The following NYNRIN variants were observed in gnomAD, a reference collection of about 807,000 sequenced individuals.
NYNRIN encodes protein NYNRIN.
A neutral mutation model predicts 146.6 loss-of-function variants in NYNRIN; 86 were observed. That is an observed-to-expected ratio of 0.59 (90% CI 0.49 to 0.70). NYNRIN has a LOEUF of 0.70. NYNRIN is among the 30% of genes least tolerant of loss of function. The pLI, the probability that NYNRIN is intolerant of heterozygous loss-of-function variation, is 0.00. For missense variants in NYNRIN, 2,191 were observed against 2,377.7 expected, an observed-to-expected ratio of 0.92 and a Z score of 1.63; for synonymous variants, 1,027 against 1,001.3, an observed-to-expected ratio of 1.03 and a Z score of -0.48.
Position 24,411,335 on chromosome 14 carries a change from T to C in NYNRIN, c.2546-19T>C. The C allele has an allele frequency of 6.2e-7, 1 of 1,613,792 alleles. No homozygotes were observed. Among genetic ancestry groups the C allele is most frequent in the Non-Finnish European group, 8.5e-7 (1 of 1,179,742 alleles). On this transcript the variant is annotated intron_variant, in intron 5 of 8. Coordinates refer to ENST00000382554, the MANE Select transcript of NYNRIN (RefSeq NM_025081.3). The surrounding 1 kb of genome is among the most constrained non-coding windows in gnomAD (Gnocchi z 4.3). Reference sequence around the variant, plus strand: ...TAGCCCTCCCTTGACCATTTCTGTCTTCTGCCTTTCACCCCCAGAGAGCCA... The same window carrying C: ...TAGCCCTCCCTTGACCATTTCTGTCCTCTGCCTTTCACCCCCAGAGAGCCA...
At position 24,414,955 on chromosome 14, in the gene NYNRIN, G is replaced by A; in HGVS notation, c.3206G>A (p.Trp1069Ter). Residue 1069 changes from tryptophan (W) to a stop codon, truncating the protein, a stop_gained, in exon 9 of 9, where the codon TGG becomes TAG. Transcript: ENST00000382554. LOFTEE classifies it high-confidence loss of function. ...GCTTCTCCCTACCTGGGCATCCCCT[G>A]GGATGGAAAGGCTCCCTGCCAGCAG... ...GAASPYLGIP[W>*]DGKAPCQQVL... 1 of 1,595,444 alleles carries A rather than the reference G, an allele frequency of 6.3e-7. No individual in the cohort carries two copies. Among genetic ancestry groups the A allele is most frequent in the Non-Finnish European group, 8.6e-7 (1 of 1,166,632 alleles).
rs867723587 is a variant in NYNRIN at position 24,408,097 on chromosome 14, T to C, written c.427T>C (p.Trp143Arg). ...WLEELVGRLR[W>R]GPAPLLTPRG... is the part of the protein sequence containing the mutation. ...GGAGGAGCTGGTGGGGCGACTGCGC[T>C]GGGGCCCTGCCCCTCTGCTGACCCC... is the stretch of plus-strand genomic sequence containing the variant. The change falls in exon 3 of 9, where the codon TGG (tryptophan) becomes CGG (arginine). Residue 143 changes from tryptophan to arginine, a missense_variant. Physicochemically the swap from Trp to Arg is moderately radical, Grantham distance 101. Transcript: ENST00000382554. 5 of 1,612,756 alleles carry C rather than the reference T, an allele frequency of 3.1e-6. No individual in the cohort carries two copies. The African/African-American group carries it at 6.7e-5, about 22-fold the overall frequency.
Position 24,419,152 on chromosome 14 carries a change from A to G in NYNRIN, c.*1706A>G, listed in dbSNP as rs566336731. The G allele has an allele frequency of 1.3e-5, 2 of 152,148 alleles. No individual in the cohort carries two copies. The highest frequency in any genetic ancestry group is 4.8e-5 in the African/African-American group (2 of 41,454). The allele number at this position is 152,148 out of a possible 1,614,324, so 9.4% of individuals were successfully genotyped here. The stretch of plus-strand genomic sequence containing the variant: ...ATTCTTTCTCTTCCTCCTCTCTGTA[A>G]TGGTATGTCCAGCCTCACTCTCCCT... On this transcript the variant is annotated 3_prime_UTR_variant, in exon 9 of 9. Transcript: ENST00000382554.
Position 24,399,352 on chromosome 14 carries a change from A to C in NYNRIN, c.106A>C (p.Arg36=). The change falls in exon 2 of 9, where the codon AGG becomes CGG. Residue 36 remains arginine, a synonymous_variant. Transcript: ENST00000382554. ...RQRLQVQRIF[R]VKLNAFQSRP... is the part of the protein sequence containing the mutation. ...GCGGCTGCAAGTGCAGCGCATCTTT[A>C]GGGTCAAGCTGAACGCCTTCCAGAG... 1 of 1,613,834 alleles carries C rather than the reference A, an allele frequency of 6.2e-7. No homozygotes were observed. The highest frequency in any genetic ancestry group is 8.5e-7 in the Non-Finnish European group (1 of 1,179,848).
Position 24,417,352 on chromosome 14 carries a change from C to T in NYNRIN, c.5603C>T (p.Thr1868Ile). The change falls in exon 9 of 9, where the codon ACC becomes ATC. Residue 1868 changes from threonine to isoleucine, a missense_variant. By Grantham distance (89) the Thr-to-Ile change is moderately conservative. Coordinates refer to ENST00000382554, the MANE Select transcript of NYNRIN (RefSeq NM_025081.3). ...LSLYRIWGFP[T>I]PEKLGCIYPS... Reference sequence around the variant, plus strand: ...CTCTATAGGATATGGGGCTTCCCAACCCCAGAGAAGCTGGGGTGCATCTAT... The same window carrying T: ...CTCTATAGGATATGGGGCTTCCCAATCCCAGAGAAGCTGGGGTGCATCTAT... 6.2e-7 allele frequency: 1 copy of T among 1,600,730 alleles called. No homozygotes were observed. The highest frequency in any genetic ancestry group is 8.5e-7 in the Non-Finnish European group (1 of 1,172,414).
In NYNRIN at chr14:24,413,411, C is replaced by T; in HGVS notation, c.2840C>T (p.Pro947Leu). ...ACCTTGGATGAGTTTCTGAAGAAGC[C>T]AAACAGGTAATAGGTCAGACCTCCC... ...GPTLDEFLKKPNRLDTDIGNF... is the reference protein window; with the variant it reads ...GPTLDEFLKKLNRLDTDIGNF... Residue 947 changes from proline to leucine, a missense_variant, in exon 8 of 9, where the codon CCA becomes CTA. Pro to Leu is a moderately conservative substitution (Grantham distance 98). Coordinates refer to ENST00000382554, the MANE Select transcript of NYNRIN (RefSeq NM_025081.3). 1 of 1,609,982 alleles carries T rather than the reference C, an allele frequency of 6.2e-7. No homozygotes were observed. The highest frequency in any genetic ancestry group is 8.5e-7 in the Non-Finnish European group (1 of 1,177,886).
Position 24,415,404 on chromosome 14 carries a change from T to C in NYNRIN, c.3655T>C (p.Phe1219Leu). 6.2e-7 allele frequency: 1 copy of C among 1,613,916 alleles called. No individual in the cohort carries two copies. The highest frequency in any genetic ancestry group is 8.5e-7 in the Non-Finnish European group (1 of 1,179,864). ...TGCTGTGGCCTGGGCCCTCAAGCAT[T>C]TTTCCCGCTGCATTGGAGACACCCC... ...PYAVAWALKH[F>L]SRCIGDTPVV... Residue 1219 changes from phenylalanine to leucine, a missense_variant, in exon 9 of 9, where the codon TTT (phenylalanine) becomes CTT (leucine). Around this residue, in one of 3 missense-constraint regions of NYNRIN, gnomAD observed 1,291 missense variants for 1,417.0 expected, o/e 0.91. Transcript: ENST00000382554.
At position 24,418,337 on chromosome 14, in the gene NYNRIN, C is replaced by T. The variant is rs186951393; in HGVS notation, c.*891C>T. The T allele has an allele frequency of 1.1e-4, 50 of 453,956 alleles. No homozygotes were observed. The highest frequency in any genetic ancestry group is 8.0e-4 in the African/African-American group (40 of 50,094). 28.1% of individuals were successfully genotyped at this position (453,956 alleles called of 1,614,324 possible). On this transcript the variant is annotated 3_prime_UTR_variant, in exon 9 of 9. Transcript: ENST00000382554. ...GGGCGTCTGCAACAGGAGTGGCACA[C>T]GGTGAAGTGCTGGCATGGCTCTACC...
Position 24,416,283 on chromosome 14 carries a change from AACTC to A in NYNRIN, c.4540_4543del (p.Leu1514AlafsTer21). The A allele has an allele frequency of 1.9e-6, 3 of 1,613,904 alleles. No homozygotes were observed. Among genetic ancestry groups the A allele is most frequent in the Non-Finnish European group, 2.5e-6 (3 of 1,179,868 alleles). ...CTCCTCACCGTTTAGTTCTGCCTTT[AACTC>A]ACTCAGCCTCGACAAGGAGAGTGGC... On this transcript the variant is annotated frameshift_variant, in exon 9 of 9. Transcript: ENST00000382554. LOFTEE classifies it high-confidence loss of function.
chr14:24,408,169 G>A lies in NYNRIN; in HGVS notation c.499G>A (p.Val167Ile), dbSNP rs749733217. Residue 167 changes from valine to isoleucine, a missense_variant, in exon 3 of 9, where the codon GTC becomes ATC. Around this residue, in one of 3 missense-constraint regions of NYNRIN, gnomAD observed 895 missense variants for 941.2 expected, o/e 0.95. Transcript: ENST00000382554. ...AEVTRAFGAL[V>I]WIRGDQHAGD... Reference sequence around the variant, plus strand: ...GGTGACCCGGGCCTTTGGGGCCCTGGTCTGGATCCGTGGTGACCAGCATGC... The same window carrying A: ...GGTGACCCGGGCCTTTGGGGCCCTGATCTGGATCCGTGGTGACCAGCATGC... The A allele has an allele frequency of 6.2e-6, 10 of 1,601,220 alleles. No individual in the cohort carries two copies. The South Asian group carries it at 9.9e-5, about 16-fold the overall frequency.
intron 2 of NYNRIN, among the ~76,000 whole-genome samples, chr14:24,405,315 A>G (rs2042870140): frequency 6.6e-6 from 1 of 152,230 alleles, no homozygotes; most frequent in Admixed American, 6.5e-5. Flanking sequence ...GCACCTTGAC[A>G]AGTACAGAAT....
rs2042925414 is a variant in NYNRIN, at chr14:24,413,418, G to GTAA, written c.2846+4_2846+6dup. 8 of 1,604,916 alleles carry GTAA rather than the reference G, an allele frequency of 5.0e-6. 1 individual carries two copies. The South Asian group carries it at 8.9e-5, about 18-fold the overall frequency. ...ATGAGTTTCTGAAGAAGCCAAACAG[G>GTAA]TAATAGGTCAGACCTCCCCAGCCTC... On this transcript the variant is annotated splice_donor_variant, in intron 8 of 8. Transcript: ENST00000382554. LOFTEE classifies it high-confidence loss of function.
Position 24,411,257 on chromosome 14 carries a change from C to G in NYNRIN, c.2545+51C>G, listed in dbSNP as rs1421263375. On this transcript the variant is annotated intron_variant, in intron 5 of 8. Transcript: ENST00000382554. This position sits in a 1 kb window ranked among gnomAD's most constrained non-coding sequence, Gnocchi z 4.3. ...CTCCACAGTGTCACCAAGCTTTCTT[C>G]TCTCTGCCTTGCTGCCCCGACCCTC... is the stretch of plus-strand genomic sequence containing the variant. 6.2e-7 allele frequency: 1 copy of G among 1,611,736 alleles called. No individual in the cohort carries two copies. The highest frequency in any genetic ancestry group is 1.3e-5 in the African/African-American group (1 of 74,746).
chr14:24,399,310 C>A lies in NYNRIN; in HGVS notation c.64C>A (p.Pro22Thr). The part of the protein sequence containing the change: ...EWFMVQTKSK[P>T]RVQRQRLQVQ... Reference sequence around the variant, plus strand: ...GTTCATGGTGCAGACAAAATCGAAGCCTCGGGTGCAGCGGCAGCGGCTGCA... The same window carrying A: ...GTTCATGGTGCAGACAAAATCGAAGACTCGGGTGCAGCGGCAGCGGCTGCA... The change falls in exon 2 of 9, where the codon CCT becomes ACT. Residue 22 changes from proline (P) to threonine (T), a missense_variant. Coordinates refer to ENST00000382554, the MANE Select transcript of NYNRIN (RefSeq NM_025081.3). The A allele has an allele frequency of 6.2e-7, 1 of 1,614,004 alleles. No individual in the cohort carries two copies. Among genetic ancestry groups the A allele is most frequent in the Non-Finnish European group, 8.5e-7 (1 of 1,179,884 alleles).
In NYNRIN at chr14:24,416,193, C is replaced by T. The variant is rs2042944236; in HGVS notation, c.4444C>T (p.Gln1482Ter). 8 of 1,614,004 alleles carry T rather than the reference C, an allele frequency of 5.0e-6. No individual in the cohort carries two copies. Among genetic ancestry groups the T allele is most frequent in the Non-Finnish European group, 6.8e-6 (8 of 1,179,900 alleles). Residue 1482 changes from glutamine to a stop codon, truncating the protein, a stop_gained, in exon 9 of 9, where the codon CAG becomes TAG. Transcript: ENST00000382554. LOFTEE classifies it high-confidence loss of function. Reference sequence around the variant, plus strand: ...CAAGAGGCCCAATTTGCTGGCATTACAGCTGAGTGACAGCACCCTGGCCGA... The same window carrying T: ...CAAGAGGCCCAATTTGCTGGCATTATAGCTGAGTGACAGCACCCTGGCCGA... ...MGKRPNLLALQLSDSTLADII... is the reference protein window; with the variant it reads ...MGKRPNLLAL
chr14:24,409,761 C>T lies in NYNRIN; in HGVS notation c.1967C>T (p.Ala656Val), dbSNP rs1416712002. 3 of 1,611,154 alleles carry T rather than the reference C, an allele frequency of 1.9e-6. No homozygotes were observed. The African/African-American group carries it at 4.0e-5, about 22-fold the overall frequency. Reference sequence around the variant, plus strand: ...GGGCCTGCAGCTACAGTTTCCAAAGCACCTGCAGCTTCCAAAGCACCTGCA... The same window carrying T: ...GGGCCTGCAGCTACAGTTTCCAAAGTACCTGCAGCTTCCAAAGCACCTGCA... ...QAGPAATVSK[A>V]PAASKAPAAP... Residue 656 changes from alanine to valine, a missense_variant, in exon 4 of 9, where the codon GCA (alanine) becomes GTA (valine). This residue lies in a region of NYNRIN where 895 missense variants were observed against 941.2 expected (regional missense o/e 0.95). Coordinates refer to ENST00000382554, the MANE Select transcript of NYNRIN (RefSeq NM_025081.3).
At chr14:24,407,833 G>T in intron 2 of NYNRIN, 36 bp from the exon 3 acceptor site, 1 of 1,548,456 alleles carries the variant, frequency 6.5e-7, no homozygotes. Context: ...GGCCCCCAAC[G>T]GGCTGACTTC....
In NYNRIN at chr14:24,415,504, A is replaced by T. The variant is rs2042938803; in HGVS notation, c.3755A>T (p.Lys1252Ile). 6.2e-7 allele frequency: 1 copy of T among 1,613,662 alleles called. No homozygotes were observed. The highest frequency in any genetic ancestry group is 1.7e-5 in the Admixed American group (1 of 59,994). Residue 1252 changes from lysine to isoleucine, a missense_variant, in exon 9 of 9, where the codon AAA becomes ATA. By Grantham distance (102) the Lys-to-Ile change is moderately radical (BLOSUM62 -3). Transcript: ENST00000382554. Reference sequence around the variant, plus strand: ...GTGCGGGAGGGCCGCAGGGTTTCCAAAGCTTGGTTGATCCGATGGTCCCTC... The same window carrying T: ...GTGCGGGAGGGCCGCAGGGTTTCCATAGCTTGGTTGATCCGATGGTCCCTC... The part of the protein sequence containing the change: ...PEVREGRRVS[K>I]AWLIRWSLLV...
In NYNRIN at chr14:24,408,130, A is replaced by G. The variant is rs1419870273; in HGVS notation, c.460A>G (p.Ile154Val). ...GPAPLLTPRG[I>V]WEAEVTRAFG... ...TGCCCCTCTGCTGACCCCCCGGGGGATCTGGGAGGCTGAGGTGACCCGGGC... is the reference window on the plus strand; with the variant it reads ...TGCCCCTCTGCTGACCCCCCGGGGGGTCTGGGAGGCTGAGGTGACCCGGGC... Residue 154 changes from isoleucine (I) to valine (V), a missense_variant, in exon 3 of 9, where the codon ATC becomes GTC. Coordinates refer to ENST00000382554, the MANE Select transcript of NYNRIN (RefSeq NM_025081.3). 6.2e-7 allele frequency: 1 copy of G among 1,608,922 alleles called. No homozygotes were observed. Among genetic ancestry groups the G allele is most frequent in the Admixed American group, 1.7e-5 (1 of 59,722 alleles).
Sources: gnomAD v4.1 joint callset for allele counts (sites outside exome capture counted in the v4.1 genomes callset) on GRCh38, gnomAD v4.1.1 for gene constraint, gnomAD v4.1.1 regional missense constraint, Gnocchi (gnomAD v3.1) non-coding constraint, MANE v1.5 for transcripts, NCBI Gene and HGNC (gene_info 2026-07-23, HGNC 2026-07-21) for gene names.